Variants in LRMDA observed in about 807,000 individuals in gnomAD.
The protein encoded by LRMDA is leucine rich melanocyte differentiation associated.
Under a neutral mutation model 29.8 loss-of-function variants are expected in LRMDA, and 18 were observed. That is an observed-to-expected ratio of 0.60 (90% CI 0.42 to 0.90). The LOEUF is 0.90. LRMDA is among the 40% of genes least tolerant of loss of function. The pLI is 0.00. For missense variants in LRMDA, 273 were observed against 273.9 expected (o/e 1.00, Z 0.02); for synonymous variants, 125 against 109.4 (o/e 1.14, Z -0.89).
chr10:76,507,750 C>T (rs936370846), intron 6 of LRMDA, among the ~76,000 whole-genome samples: 1 of 152,060 alleles, frequency 6.6e-6, no homozygotes, highest in African/African-American at 2.4e-5. Context: ...ATTGAAGAGA[C>T]TATCCTTTCC....
At chr10:76,292,543 C>T (rs753162118) in intron 5 of LRMDA, among the ~76,000 whole-genome samples, 1 of 152,070 alleles carries the variant, frequency 6.6e-6, no homozygotes, top group Non-Finnish European at 1.5e-5. Flanking sequence ...ATGTTGTAGC[C>T]AGGAATATAA....
intron 5 of LRMDA, among the ~76,000 whole-genome samples, chr10:76,230,919 A>C (rs1011211376): frequency 6.6e-6 from 1 of 152,250 alleles, no homozygotes; most frequent in Non-Finnish European, 1.5e-5. Context: ...TTTAAATGAT[A>C]TTTTACAGCT....
At chr10:75,908,214 GT>G (rs896406102) in intron 2 of LRMDA, among the ~76,000 whole-genome samples, 5 of 152,350 alleles carry the variant, frequency 3.3e-5, no homozygotes, top group Admixed American at 2.0e-4. Context: ...GCGCAGAGAA[GT>G]TTTTTGATTT....
At chr10:76,392,408 G>C (rs1841733255) in intron 6 of LRMDA, among the ~76,000 whole-genome samples, 1 of 151,978 alleles carries the variant, frequency 6.6e-6, no homozygotes, top group Non-Finnish European at 1.5e-5. Context: ...GGCTGAAAGG[G>C]GTTAAATAAT....
chr10:75,583,692 C>T (rs933101565), intron 2 of LRMDA, among the ~76,000 whole-genome samples: 8 of 152,154 alleles, frequency 5.3e-5, no homozygotes, highest in Non-Finnish European at 1.0e-4. Context: ...TCAGCTTTCT[C>T]CTCCTCTTGT....
rs139878024 is a variant in LRMDA at position 75,705,408 on chromosome 10, T to G, written c.131+266914T>G. Among the ~76,000 whole-genome samples, 230 of 152,272 alleles carry G rather than the reference T, an allele frequency of 1.5e-3. 2 individuals are homozygous for G. Among genetic ancestry groups the G allele is most frequent in the African/African-American group, 5.4e-3 (224 of 41,552 alleles). Reference sequence around the variant, plus strand: ...ATTACAGGAAAAGCCTTTCTCCAATTTAAAAATCTCATCTCCAGCTGTCCT... The same window carrying G: ...ATTACAGGAAAAGCCTTTCTCCAATGTAAAAATCTCATCTCCAGCTGTCCT... On this transcript the variant is annotated intron_variant, in intron 2 of 6. Coordinates refer to ENST00000611255, the MANE Select transcript of LRMDA (RefSeq NM_001305581.2).
chr10:76,196,715 C>T (rs1851337160), intron 5 of LRMDA, among the ~76,000 whole-genome samples: 1 of 152,222 alleles, frequency 6.6e-6, no homozygotes, highest in Non-Finnish European at 1.5e-5. Context: ...TTCTGTTTCA[C>T]CTTAGAACAT....
At chr10:75,466,229 C>T (rs1361345071) in intron 2 of LRMDA, among the ~76,000 whole-genome samples, 1 of 152,176 alleles carries the variant, frequency 6.6e-6, no homozygotes, top group Non-Finnish European at 1.5e-5. Flanking sequence ...TTGAAATTTT[C>T]CAGAAGCAAG....
intron 2 of LRMDA, among the ~76,000 whole-genome samples, chr10:75,509,196 T>C (rs1285563193): frequency 2.0e-5 from 3 of 152,168 alleles, no homozygotes; most frequent in East Asian, 1.9e-4. Flanking sequence ...GGCTGACATC[T>C]CCTACCCCGT....
intron 6 of LRMDA, among the ~76,000 whole-genome samples, chr10:76,339,227 T>G (rs949465759): frequency 9.4e-5 from 14 of 149,016 alleles, no homozygotes; most frequent in African/African-American, 3.5e-4. Flanking sequence ...CTAAGTCAAA[T>G]TAGAAATTAT....
intron 2 of LRMDA, among the ~76,000 whole-genome samples, chr10:75,468,778 A>G (rs531056769): frequency 6.6e-6 from 1 of 152,148 alleles, no homozygotes; most frequent in Non-Finnish European, 1.5e-5. Context: ...GCCTGTCTGC[A>G]TTACTAGTCC....
chr10:75,750,347 C>T (rs1842943523), intron 2 of LRMDA, among the ~76,000 whole-genome samples: 2 of 151,908 alleles, frequency 1.3e-5, no homozygotes, highest in Admixed American at 6.6e-5. Flanking sequence ...CGGAGGGGCT[C>T]CTCACTTCTC....
chr10:76,155,503 A>G (rs1441194233), intron 5 of LRMDA, among the ~76,000 whole-genome samples: 1 of 152,176 alleles, frequency 6.6e-6, no homozygotes, highest in Non-Finnish European at 1.5e-5. Flanking sequence ...AATGGTAGAC[A>G]ATATTAGCAT....
intron 5 of LRMDA, among the ~76,000 whole-genome samples, chr10:76,146,725 A>G (rs1426246550): frequency 6.6e-6 from 1 of 152,190 alleles, no homozygotes; most frequent in Non-Finnish European, 1.5e-5. Flanking sequence ...TGATCCTGTC[A>G]TTATGATGTT....
chr10:76,410,285 A>G (rs1393281018), intron 6 of LRMDA, among the ~76,000 whole-genome samples: 2 of 150,282 alleles, frequency 1.3e-5, no homozygotes, highest in East Asian at 2.0e-4. Flanking sequence ...GGCTTGGAAA[A>G]ATCACTTTCT....
intron 2 of LRMDA, among the ~76,000 whole-genome samples, chr10:75,719,312 T>G (rs1482247356): frequency 6.6e-6 from 1 of 152,230 alleles, no homozygotes; most frequent in African/African-American, 2.4e-5. Context: ...ATTATTTGCC[T>G]AAAGAAGAGA....
chr10:76,365,589 T>C (rs1036974367), intron 6 of LRMDA, among the ~76,000 whole-genome samples: 1 of 152,288 alleles, frequency 6.6e-6, no homozygotes, highest in South Asian at 2.1e-4. Context: ...CACTTTTTGC[T>C]TGGATTGTTT....
chr10:75,477,353 G>A (rs928013919), intron 2 of LRMDA, among the ~76,000 whole-genome samples: 6 of 152,156 alleles, frequency 3.9e-5, no homozygotes, highest in Admixed American at 2.0e-4. Flanking sequence ...CCCATTCTGA[G>A]AATCTGGGTT....
chr10:75,788,238 G>A (rs935984914), intron 2 of LRMDA, among the ~76,000 whole-genome samples: 5 of 152,194 alleles, frequency 3.3e-5, no homozygotes, highest in African/African-American at 9.6e-5. Context: ...CTTAAAATGG[G>A]AGTTTTAGTT....
Sources: gnomAD v4.1 joint callset for allele counts (sites outside exome capture counted in the v4.1 genomes callset) on GRCh38, gnomAD v4.1.1 for gene constraint, MANE v1.5 for transcripts, NCBI Gene and HGNC (gene_info 2026-07-23, HGNC 2026-07-21) for gene names.